Variants in GRID1 observed in about 807,000 individuals in gnomAD.
GRID1 encodes glutamate ionotropic receptor delta type subunit 1, also known as glutamate receptor ionotropic, delta-1.
Under a neutral mutation model 98.0 loss-of-function variants are expected in GRID1, and 28 were observed. The ratio of observed to expected loss-of-function variants is 0.29; its 90% CI spans 0.21 to 0.39. The LOEUF is 0.39. Among genes scored for constraint, GRID1 ranks in the 10% least tolerant of loss-of-function variants. GRID1 has a pLI of 1.00. For missense variants in GRID1, 1,111 were observed against 1,340.5 expected, an observed-to-expected ratio of 0.83 and a Z score of 2.67; for synonymous variants, 553 against 538.5, an observed-to-expected ratio of 1.03 and a Z score of -0.37.
At chr10:86,047,748 A>G (rs894038270) in intron 4 of GRID1, among the ~76,000 whole-genome samples, 15 of 151,428 alleles carry the variant, frequency 9.9e-5, no homozygotes, top group South Asian at 2.1e-4. Flanking sequence ...TTCTAGGGGG[A>G]AAAAAATGAC....
At chr10:85,736,489 ATG>A (rs1841885304) in intron 8 of GRID1, among the ~76,000 whole-genome samples, 2 of 152,118 alleles carry the variant, frequency 1.3e-5, no homozygotes, top group African/African-American at 4.8e-5. Context: ...TTTTATGGCC[ATG>A]TCTATCAGAC....
chr10:85,741,973 G>T (rs114777873), intron 8 of GRID1, among the ~76,000 whole-genome samples: 1,590 of 152,256 alleles, frequency 0.01, 28 homozygotes, highest in African/African-American at 0.037. Context: ...GGTGGGTCTT[G>T]CCTGATGAGG....
At chr10:86,258,044 T>C (rs1230770897) in intron 2 of GRID1, among the ~76,000 whole-genome samples, 1 of 152,106 alleles carries the variant, frequency 6.6e-6, no homozygotes, top group Admixed American at 6.5e-5. Context: ...CACAACTTAG[T>C]TTTCTACCCC....
chr10:86,138,889 C>A lies in GRID1; in HGVS notation c.656G>T (p.Arg219Leu). 3 of 1,614,158 alleles carry A rather than the reference C, an allele frequency of 1.9e-6. No individual in the cohort carries two copies. The highest frequency in any genetic ancestry group is 1.7e-6 in the Non-Finnish European group (2 of 1,179,986). ...FTTMKTEELN[R>L]YRDTLRRAIL... is the part of the protein sequence containing the mutation. ...GGCGCGGCGAAGCGTGTCCCGGTAGCGATTCAGCTCCTCTGTCTTCATCGT... is the reference window on the plus strand; with the variant it reads ...GGCGCGGCGAAGCGTGTCCCGGTAGAGATTCAGCTCCTCTGTCTTCATCGT... Residue 219 changes from arginine to leucine, a missense_variant, in exon 4 of 16, where the codon CGC (arginine) becomes CTC (leucine). By Grantham distance (102) the Arg-to-Leu change is moderately radical. Coordinates refer to ENST00000327946, the MANE Select transcript of GRID1 (RefSeq NM_017551.3).
intron 4 of GRID1, among the ~76,000 whole-genome samples, chr10:86,122,036 G>A (rs1169960178): frequency 1.3e-5 from 2 of 152,264 alleles, no homozygotes; most frequent in African/African-American, 4.8e-5. Flanking sequence ...TGGGAGCAGT[G>A]ACAACAGCCT....
intron 10 of GRID1, 40 bp from the exon 11 acceptor site, chr10:85,724,716 G>A: frequency 6.5e-7 from 1 of 1,540,354 alleles, no homozygotes; most frequent in Non-Finnish European, 8.8e-7. Flanking sequence ...GCAGTCCTCA[G>A]CTTACTGCTG....
At chr10:85,919,889 C>T (rs1057190872) in intron 4 of GRID1, among the ~76,000 whole-genome samples, 1 of 152,130 alleles carries the variant, frequency 6.6e-6, no homozygotes, top group Admixed American at 6.5e-5. Flanking sequence ...CCTGTGAATC[C>T]TGTTAGCATT....
intron 2 of GRID1, among the ~76,000 whole-genome samples, chr10:86,259,653 CAT>C (rs1176578137): frequency 2.6e-5 from 4 of 152,032 alleles, no homozygotes; most frequent in African/African-American, 7.3e-5. Flanking sequence ...CCTAATAACA[CAT>C]GTCTGTGTGT....
chr10:86,018,859 C>T (rs907643842), intron 4 of GRID1, among the ~76,000 whole-genome samples: 2 of 152,224 alleles, frequency 1.3e-5, no homozygotes, highest in African/African-American at 4.8e-5. Context: ...ATATTGTCTT[C>T]TTTTTTCTCA....
intron 12 of GRID1, among the ~76,000 whole-genome samples, chr10:85,694,600 A>G (rs1031300435): frequency 2.6e-5 from 3 of 114,472 alleles, no homozygotes; most frequent in East Asian, 2.9e-4. Context: ...ATATATATAT[A>G]TAATGGAATA....
At chr10:85,921,664 TG>T (rs1292673004) in intron 4 of GRID1, among the ~76,000 whole-genome samples, 1 of 152,188 alleles carries the variant, frequency 6.6e-6, no homozygotes, top group African/African-American at 2.4e-5. Flanking sequence ...AGACTGGTGC[TG>T]GGGAGAGCTG....
chr10:85,717,035 T>C (rs1045503451), intron 12 of GRID1, among the ~76,000 whole-genome samples: 2 of 152,180 alleles, frequency 1.3e-5, no homozygotes, highest in Non-Finnish European at 2.9e-5. Flanking sequence ...GATCTGGAGA[T>C]ATAATGTACA....
At chr10:86,063,491 C>T (rs1429138187) in intron 4 of GRID1, among the ~76,000 whole-genome samples, 1 of 152,132 alleles carries the variant, frequency 6.6e-6, no homozygotes, top group Admixed American at 6.5e-5. Flanking sequence ...AAGTGTGCAA[C>T]AGTGTAAGAT....
At chr10:86,044,439 A>T (rs961591118) in intron 4 of GRID1, among the ~76,000 whole-genome samples, 1 of 152,176 alleles carries the variant, frequency 6.6e-6, no homozygotes, top group Non-Finnish European at 1.5e-5. Context: ...TAGAACTGGG[A>T]CATTGCTGAT....
At chr10:85,684,018 C>G (rs556499843) in intron 12 of GRID1, among the ~76,000 whole-genome samples, 2 of 152,256 alleles carry the variant, frequency 1.3e-5, no homozygotes, top group South Asian at 4.1e-4. Context: ...AATTCCAGAA[C>G]AGGCCATAAA....
chr10:85,674,557 T>G (rs540961173), intron 12 of GRID1, among the ~76,000 whole-genome samples: 208 of 152,316 alleles, frequency 1.4e-3, no homozygotes, highest in African/African-American at 4.5e-3. Flanking sequence ...TGAAATCAAC[T>G]GCAATTAACT....
intron 5 of GRID1, among the ~76,000 whole-genome samples, chr10:85,876,299 T>C (rs1326991049): frequency 6.6e-6 from 1 of 152,136 alleles, no homozygotes; most frequent in African/African-American, 2.4e-5. Context: ...TTCTCACTTC[T>C]TCCAGCTTCT....
At chr10:85,947,579 G>T (rs568299681) in intron 4 of GRID1, among the ~76,000 whole-genome samples, 6 of 152,322 alleles carry the variant, frequency 3.9e-5, no homozygotes, top group African/African-American at 1.4e-4. Flanking sequence ...CGTCCATGGA[G>T]AGTGTCGTGA....
chr10:85,877,419 A>C (rs1840910197), intron 5 of GRID1, among the ~76,000 whole-genome samples: 1 of 152,148 alleles, frequency 6.6e-6, no homozygotes, highest in South Asian at 2.1e-4. Flanking sequence ...CAGAGGAACA[A>C]TCAGGCAGCA....
Sources: gnomAD v4.1 joint callset for allele counts (sites outside exome capture counted in the v4.1 genomes callset) on GRCh38, gnomAD v4.1.1 for gene constraint, MANE v1.5 for transcripts, NCBI Gene and HGNC (gene_info 2026-07-23, HGNC 2026-07-21) for gene names.